The following PASD1 variants were observed in gnomAD, a reference collection of about 807,000 sequenced individuals.
The protein encoded by PASD1 is PAS domain containing repressor 1, also known as circadian clock protein PASD1.
In PASD1, 13 loss-of-function variants were observed where a neutral mutation model predicts 58.8. That is an observed-to-expected ratio of 0.22 (90% confidence interval 0.14 to 0.35). The LOEUF is 0.35. Ranked by LOEUF, PASD1 falls within the 10% of genes least tolerant of loss-of-function variation. PASD1 has a pLI of 1.00. For missense variants in PASD1, 734 were observed against 568.3 expected, an observed-to-expected ratio of 1.29 and a Z score of -2.96; for synonymous variants, 236 against 216.7, an observed-to-expected ratio of 1.09 and a Z score of -0.78.
chrX:151,664,732 CT>C (rs1366611688), intron 11 of PASD1, among the ~76,000 whole-genome samples: 6 of 112,052 alleles, frequency 5.4e-5, no homozygotes, highest in Admixed American at 9.5e-5. Context: ...GGGAAGACAA[CT>C]TTCTGGCCTT....
At chrX:151,669,637 C>T (rs761792530) in intron 11 of PASD1, among the ~76,000 whole-genome samples, 6 of 111,562 alleles carry the variant, frequency 5.4e-5, no homozygotes, top group African/African-American at 1.6e-4. Flanking sequence ...TGAGTGAGAA[C>T]ATGTGATATT....
At chrX:151,622,338 A>G (rs1233529677) in intron 6 of PASD1, among the ~76,000 whole-genome samples, 1 of 110,631 alleles carries the variant, frequency 9.0e-6, no homozygotes, top group African/African-American at 3.3e-5. Flanking sequence ...ATATGAAAAG[A>G]TACTCCAACT....
chrX:151,595,804 A>G (rs2013315946), intron 1 of PASD1, among the ~76,000 whole-genome samples: 1 of 111,123 alleles, frequency 9.0e-6, no homozygotes, highest in Non-Finnish European at 1.9e-5. Flanking sequence ...TCTTTCTGAT[A>G]CTCTGCTCCA....
intron 9 of PASD1, among the ~76,000 whole-genome samples, 175 bp downstream of exon 9, chrX:151,648,877 C>T (rs748114266): frequency 2.1e-4 from 23 of 111,993 alleles, no homozygotes; most frequent in Non-Finnish European, 3.8e-4. Context: ...TGCCAGACTT[C>T]GAATGGTCCC....
At chrX:151,598,220 G>GAACA (rs2013346676) in intron 1 of PASD1, among the ~76,000 whole-genome samples, 1 of 111,541 alleles carries the variant, frequency 9.0e-6, no homozygotes, top group Non-Finnish European at 1.9e-5. Flanking sequence ...AGGAAGTTTT[G>GAACA]TTATTTTGAA....
intron 9 of PASD1, among the ~76,000 whole-genome samples, chrX:151,658,837 A>C (rs2124306785): frequency 8.9e-6 from 1 of 112,635 alleles, no homozygotes; most frequent in South Asian, 3.7e-4. Context: ...TCACTGCTAA[A>C]CCAGGTACTT....
chrX:151,599,875 G>A (rs1258335110), intron 1 of PASD1, among the ~76,000 whole-genome samples: 12 of 112,030 alleles, frequency 1.1e-4, no homozygotes, highest in Admixed American at 7.5e-4. Flanking sequence ...CGGCCGGGCA[G>A]AGGCTGCAAT....
chrX:151,566,698 C>A (rs2012847611), intron 1 of PASD1, among the ~76,000 whole-genome samples: 1 of 111,937 alleles, frequency 8.9e-6, no homozygotes, highest in Admixed American at 9.5e-5. Flanking sequence ...GGGCGAGCAT[C>A]CCTAATTTGA....
intron 1 of PASD1, among the ~76,000 whole-genome samples, chrX:151,574,537 A>T (rs369802934): frequency 8.9e-6 from 1 of 111,794 alleles, no homozygotes; most frequent in Admixed American, 9.5e-5. Flanking sequence ...AATCTGGAAA[A>T]ACTTGAAAAA....
intron 1 of PASD1, among the ~76,000 whole-genome samples, chrX:151,600,136 C>T (rs1397687486): frequency 3.6e-5 from 4 of 111,690 alleles, no homozygotes; most frequent in Admixed American, 9.4e-5. Context: ...TGGCGGCGTG[C>T]GCCTGCAATC....
At chrX:151,580,513 T>C (rs979789285) in intron 1 of PASD1, among the ~76,000 whole-genome samples, 2 of 107,209 alleles carry the variant, frequency 1.9e-5, no homozygotes, top group African/African-American at 3.4e-5. Flanking sequence ...TTTTTCTTTT[T>C]TTTTTTTTTT....
intron 7 of PASD1, 90 bp from the exon 8 acceptor site, chrX:151,625,358 A>G (rs1475016452): frequency 1.8e-5 from 11 of 598,132 alleles, no homozygotes; most frequent in Admixed American, 3.2e-5. Flanking sequence ...GTAACATTGG[A>G]TATGAGCATG....
Position 151,572,926 on chromosome X carries a change from C to T in PASD1, c.-28+9087C>T, listed in dbSNP as rs953177565. 5.3e-4 allele frequency among the ~76,000 whole-genome samples: 53 copies of T among 100,705 alleles called. 1 individual carries two copies. Among genetic ancestry groups the T allele is most frequent in the African/African-American group, 1.9e-3 (53 of 27,458 alleles). 87.5% of individuals were successfully genotyped at this position (100,705 alleles called of 115,157 possible). On this transcript the variant is annotated intron_variant, in intron 1 of 15. Coordinates refer to ENST00000370357, the MANE Select transcript of PASD1 (RefSeq NM_173493.3). ...GGTTTTACAGGAAGCATGGTATTGG[C>T]TTCTGGATGGAGCTTTTACTCATGG...
At chrX:151,651,982 C>G (rs1004607791) in intron 9 of PASD1, among the ~76,000 whole-genome samples, 1 of 112,036 alleles carries the variant, frequency 8.9e-6, no homozygotes, top group African/African-American at 3.2e-5. Context: ...CATGGTTTCC[C>G]TTTTGTTCTT....
intron 1 of PASD1, among the ~76,000 whole-genome samples, chrX:151,578,472 T>C (rs777275518): frequency 3.6e-5 from 4 of 112,565 alleles, no homozygotes; most frequent in South Asian, 7.4e-4. Context: ...AAACTTCTTA[T>C]GACAACTGGT....
intron 1 of PASD1, among the ~76,000 whole-genome samples, chrX:151,567,191 G>C (rs989891068): frequency 5.4e-5 from 6 of 111,704 alleles, no homozygotes; most frequent in African/African-American, 1.6e-4. Flanking sequence ...ACCTGATTTA[G>C]AGGTGGACTC....
intron 1 of PASD1, among the ~76,000 whole-genome samples, chrX:151,567,024 A>G (rs895371091): frequency 9.3e-6 from 1 of 107,850 alleles, no homozygotes; most frequent in African/African-American, 3.4e-5. Flanking sequence ...AGCCTGGGCA[A>G]CAAGAGTGAA....
intron 8 of PASD1, among the ~76,000 whole-genome samples, chrX:151,629,222 C>T (rs1056939450): frequency 6.5e-4 from 72 of 111,137 alleles, no homozygotes; most frequent in Non-Finnish European, 1.2e-3. Context: ...CGGGTTCAAG[C>T]GATTCTCCTG....
At chrX:151,617,589 TTCGTTG>T (rs2013652008) in intron 4 of PASD1, among the ~76,000 whole-genome samples, 3 of 89,906 alleles carry the variant, frequency 3.3e-5, no homozygotes, top group Non-Finnish European at 7.2e-5. Flanking sequence ...CTCATTGGAA[TTCGTTG>T]TCAGGTTCAT....
Sources: gnomAD v4.1 joint callset for allele counts (sites outside exome capture counted in the v4.1 genomes callset) on GRCh38, gnomAD v4.1.1 for gene constraint, MANE v1.5 for transcripts, NCBI Gene and HGNC (gene_info 2026-07-23, HGNC 2026-07-21) for gene names.